The following IL4R variants were observed in gnomAD, a reference collection of about 807,000 sequenced individuals.
The protein encoded by IL4R is interleukin-4 receptor subunit alpha.
A neutral mutation model predicts 41.5 loss-of-function variants in IL4R; 17 were observed. The ratio of observed to expected loss-of-function variants is 0.41; its 90% CI spans 0.28 to 0.61. The LOEUF (loss-of-function observed/expected upper bound fraction) is 0.61. Among genes scored for constraint, IL4R ranks in the 20% least tolerant of loss-of-function variants. The pLI, the probability that IL4R is intolerant of heterozygous loss-of-function variation, is 0.31. For synonymous variants in IL4R, 402 were observed against 422.9 expected (o/e 0.95, Z 0.61); for missense variants, 974 against 1,043.1 (o/e 0.93, Z 0.91).
chr16:27,341,014 A>G lies in IL4R; in HGVS notation c.70+741A>G, dbSNP rs934112956. On this transcript the variant is annotated intron_variant, in intron 3 of 10. Transcript: ENST00000395762. ...GCAAGGTGACAGAGTGGCTGAATCA[A>G]AAAAGACCTTGCAGTGTTTGAGCAG... is the stretch of plus-strand genomic sequence containing the variant. 1.2e-5 allele frequency: 7 copies of G among 560,758 alleles called. No individual in the cohort carries two copies. In the Admixed American group the frequency reaches 1.7e-4, roughly 13 times the overall value. The allele number at this position is 560,758 out of a possible 1,614,324, so 34.7% of individuals were successfully genotyped here. A position where few individuals can be genotyped will look rare whatever the true frequency, so the allele number is the denominator to read the frequency against.
chr16:27,340,844 A>T (rs1193341687), intron 3 of IL4R, among the ~76,000 whole-genome samples: 2 of 152,324 alleles, frequency 1.3e-5, no homozygotes, highest in Non-Finnish European at 2.9e-5. Flanking sequence ...CATTGAGCTG[A>T]CTTGGAGGAA....
At chr16:27,331,983 T>A (rs1440911375) in intron 2 of IL4R, among the ~76,000 whole-genome samples, 1 of 151,980 alleles carries the variant, frequency 6.6e-6, no homozygotes, top group Non-Finnish European at 1.5e-5. Context: ...AAAAATTTTA[T>A]TTTTTATTTT....
At chr16:27,341,905 C>A in intron 3 of IL4R, 1 of 549,122 alleles carries the variant, frequency 1.8e-6, no homozygotes, top group African/African-American at 1.9e-5. Flanking sequence ...GTCTAATGGC[C>A]CCCGCACCCA....
rs1567323110 is a variant in IL4R at position 27,345,985 on chromosome 16, TAAATAA to T, written c.362-472_362-467del. 6.7e-6 allele frequency among the ~76,000 whole-genome samples: 1 copy of T among 149,556 alleles called. No homozygotes were observed. The highest frequency in any genetic ancestry group is 1.5e-5 in the Non-Finnish European group (1 of 67,276). On this transcript the variant is annotated intron_variant, in intron 5 of 10. Coordinates refer to ENST00000395762, the MANE Select transcript of IL4R (RefSeq NM_000418.4). The surrounding 1 kb of genome is among the most constrained non-coding windows in gnomAD (Gnocchi z 4.5). ...AGATTACGTCTCAAAAAAATAAAAA[TAAATAA>T]AAATAAAAAGATTTTTTAAAAGGCT...
chr16:27,362,825 C>T lies in IL4R; in HGVS notation c.1473C>T (p.Ile491=), dbSNP rs754262117. The change falls in exon 11 of 11, where the codon ATC becomes ATT. Residue 491 remains isoleucine, a synonymous_variant. Transcript: ENST00000395762. ...CTTGCACAGAGACGCCCCTCGTCAT[C>T]GCAGGCAACCCTGCTTACCGCAGCT... ...NLTCTETPLV[I]AGNPAYRSFS... is the part of the protein sequence containing the mutation. The T allele has an allele frequency of 5.0e-6, 8 of 1,614,048 alleles. No homozygotes were observed. Among genetic ancestry groups the T allele is most frequent in the African/African-American group, 1.3e-5 (1 of 74,944 alleles).
chr16:27,340,196 A>G lies in IL4R; in HGVS notation c.-8A>G, dbSNP rs745404702. ...CCTCTCTCTCTGCAGGTGCCTTGGC[A>G]TCTCCCAATGGGGTGGCTTTGCTCT... On this transcript the variant is annotated 5_prime_UTR_variant, in exon 3 of 11. Transcript: ENST00000395762. 1.2e-6 allele frequency: 2 copies of G among 1,612,880 alleles called. No individual in the cohort carries two copies.
In IL4R at chr16:27,363,026, C is replaced by T. The variant is rs2086358702; in HGVS notation, c.1674C>T (p.Val558=). 1 of 1,614,152 alleles carries T rather than the reference C, an allele frequency of 6.2e-7. No individual in the cohort carries two copies. Among genetic ancestry groups the T allele is most frequent in the Non-Finnish European group, 8.5e-7 (1 of 1,180,026 alleles). ...GGGAGCAGATCCTCCGCCGAAATGT[C>T]CTCCAGCATGGGGCAGCTGCAGCCC... is the stretch of plus-strand genomic sequence containing the variant. ...ETWEQILRRN[V]LQHGAAAAPV... is the part of the protein sequence containing the mutation. The change falls in exon 11 of 11, where the codon GTC becomes GTT. Residue 558 remains valine (V), a synonymous_variant. Transcript: ENST00000395762.
chr16:27,346,514 G>A lies in IL4R; in HGVS notation c.409G>A (p.Asp137Asn), dbSNP rs1351819004. ...GNLTVHTNVSDTLLLTWSNPY... is the reference protein window; with the variant it reads ...GNLTVHTNVSNTLLLTWSNPY... ...CCTGACAGTTCACACCAATGTCTCC[G>A]ACACTCTGCTGCTGACCTGGAGCAA... Residue 137 changes from aspartate (D) to asparagine (N), a missense_variant, in exon 6 of 11, where the codon GAC (aspartate) becomes AAC (asparagine). By Grantham distance (23) the Asp-to-Asn change is conservative. Transcript: ENST00000395762. 6 of 1,613,998 alleles carry A rather than the reference G, an allele frequency of 3.7e-6. No homozygotes were observed. In the Admixed American group the frequency reaches 5.0e-5, roughly 13 times the overall value.
intron 1 of IL4R, among the ~76,000 whole-genome samples, chr16:27,314,670 GGCA>G (rs2084582695): frequency 6.6e-6 from 1 of 152,028 alleles, no homozygotes; most frequent in African/African-American, 2.4e-5. Flanking sequence ...GAGTCCGTGG[GGCA>G]GCAGGACTAG....
At chr16:27,325,756 C>CT (rs1336763253) in intron 1 of IL4R, among the ~76,000 whole-genome samples, 1 of 152,068 alleles carries the variant, frequency 6.6e-6, no homozygotes, top group Non-Finnish European at 1.5e-5. Context: ...TGTCGGGCCC[C>CT]TCCCCGAGAG....
At chr16:27,318,043 C>T (rs368350065) in intron 1 of IL4R, among the ~76,000 whole-genome samples, 1 of 152,206 alleles carries the variant, frequency 6.6e-6, no homozygotes, top group East Asian at 1.9e-4. Flanking sequence ...ACAACCAATA[C>T]ATATGTTCAG....
chr16:27,360,994 G>GC, intron 10 of IL4R, 179 bp downstream of exon 10: 1 of 1,477,696 alleles, frequency 6.8e-7, no homozygotes, highest in Non-Finnish European at 9.0e-7. Context: ...TGCTGGCCAA[G>GC]CCCCCTGAGT....
intron 10 of IL4R, 181 bp downstream of exon 10, chr16:27,360,996 C>T (rs1333287245): frequency 6.8e-7 from 1 of 1,474,690 alleles, no homozygotes; most frequent in Non-Finnish European, 9.0e-7. Flanking sequence ...CTGGCCAAGC[C>T]CCCTGAGTTT....
Position 27,363,746 on chromosome 16 carries a change from C to T in IL4R, c.2394C>T (p.Ala798=), listed in dbSNP as rs766498825. The T allele has an allele frequency of 6.2e-7, 1 of 1,613,362 alleles. No homozygotes were observed. Among genetic ancestry groups the T allele is most frequent in the Non-Finnish European group, 8.5e-7 (1 of 1,180,028 alleles). ...KSKSSSSFHP[A]PGNAQSSSQT... is the part of the protein sequence containing the mutation. ...AATCCTCATCATCCTTCCATCCTGC[C>T]CCTGGCAATGCTCAGAGCTCAAGCC... The change falls in exon 11 of 11, where the codon GCC becomes GCT. Residue 798 remains alanine (A), a synonymous_variant. Coordinates refer to ENST00000395762, the MANE Select transcript of IL4R (RefSeq NM_000418.4).
Position 27,362,522 on chromosome 16 carries a change from C to G in IL4R, c.1170C>G (p.Ser390Arg), listed in dbSNP as rs762906703. ...GGAGCTTCTGTGCATCGCCTGAGAGCAGCAGGGATGACTTCCAGGAGGGAA... is the reference window on the plus strand; with the variant it reads ...GGAGCTTCTGTGCATCGCCTGAGAGGAGCAGGGATGACTTCCAGGAGGGAA... ...EKGSFCASPE[S>R]SRDDFQEGRE... Residue 390 changes from serine to arginine, a missense_variant, in exon 11 of 11, where the codon AGC (serine) becomes AGG (arginine). This residue lies in a region of IL4R where 682 missense variants were observed against 704.3 expected (regional missense o/e 0.97). Transcript: ENST00000395762. 3 of 1,614,158 alleles carry G rather than the reference C, an allele frequency of 1.9e-6. No homozygotes were observed. Among genetic ancestry groups the G allele is most frequent in the Non-Finnish European group, 2.5e-6 (3 of 1,180,024 alleles).
rs749920780 is a variant in IL4R at position 27,362,513 on chromosome 16, G to T, written c.1161G>T (p.Ser387=). The T allele has an allele frequency of 2.5e-6, 4 of 1,614,146 alleles. No homozygotes were observed. Among genetic ancestry groups the T allele is most frequent in the Non-Finnish European group, 3.4e-6 (4 of 1,180,028 alleles). The change falls in exon 11 of 11, where the codon TCG becomes TCT. Residue 387 remains serine, a synonymous_variant. Coordinates refer to ENST00000395762, the MANE Select transcript of IL4R (RefSeq NM_000418.4). The part of the protein sequence containing the change: ...VEEEKGSFCA[S]PESSRDDFQE... ...AAGAAAAAGGGAGCTTCTGTGCATC[G>T]CCTGAGAGCAGCAGGGATGACTTCC...
chr16:27,333,055 A>T (rs1240022793), intron 2 of IL4R, among the ~76,000 whole-genome samples: 2 of 151,890 alleles, frequency 1.3e-5, no homozygotes, highest in Non-Finnish European at 2.9e-5. Flanking sequence ...TAATGTTTTC[A>T]ATCTCTTAAG....
intron 1 of IL4R, among the ~76,000 whole-genome samples, chr16:27,320,529 C>G (rs1038236561): frequency 1.1e-4 from 16 of 152,220 alleles, no homozygotes; most frequent in African/African-American, 2.9e-4. Context: ...ACCTGGGTGA[C>G]ACGGCTCCTA....
chr16:27,352,510 G>A (rs202130544), intron 6 of IL4R, 30 bp from the exon 7 acceptor site: 16 of 1,608,528 alleles, frequency 9.9e-6, no homozygotes, highest in African/African-American at 2.7e-5. Context: ...CCCCCGGCTG[G>A]TGCCCTAACA....
Sources: gnomAD v4.1 joint callset for allele counts (sites outside exome capture counted in the v4.1 genomes callset) on GRCh38, gnomAD v4.1.1 for gene constraint, gnomAD v4.1.1 regional missense constraint, Gnocchi (gnomAD v3.1) non-coding constraint, MANE v1.5 for transcripts, NCBI Gene and HGNC (gene_info 2026-07-23, HGNC 2026-07-21) for gene names.